The following WASF3 variants were observed in gnomAD, a reference collection of about 807,000 sequenced individuals.
The protein encoded by WASF3 is WASP family member 3, also known as actin-binding protein WASF3.
Under a neutral mutation model 46.6 loss-of-function variants are expected in WASF3, and 11 were observed. The observed-to-expected ratio is 0.24, with a 90% CI of 0.15 to 0.39. The LOEUF (loss-of-function observed/expected upper bound fraction) is 0.39. WASF3 is among the 10% of genes least tolerant of loss of function. The probability of loss-of-function intolerance (pLI) is 1.00; values close to 1 mark genes in which losing one functional copy is unlikely to be tolerated. For synonymous variants in WASF3, 242 were observed against 259.7 expected (o/e 0.93, Z 0.65); for missense variants, 576 against 669.8 (o/e 0.86, Z 1.55).
chr13:26,662,636 G>T (rs1253805515), intron 3 of WASF3, among the ~76,000 whole-genome samples: 1 of 152,172 alleles, frequency 6.6e-6, no homozygotes, highest in African/African-American at 2.4e-5. Flanking sequence ...GTAGACACTG[G>T]GGACTACTGG....
intron 3 of WASF3, among the ~76,000 whole-genome samples, chr13:26,643,621 G>A (rs773796255): frequency 3.9e-5 from 6 of 152,172 alleles, no homozygotes; most frequent in Non-Finnish European, 7.3e-5. Flanking sequence ...TTATTGAAGG[G>A]TAAAATTGTT....
At chr13:26,648,984 A>G (rs1245238402) in intron 3 of WASF3, among the ~76,000 whole-genome samples, 1 of 152,200 alleles carries the variant, frequency 6.6e-6, no homozygotes, top group Non-Finnish European at 1.5e-5. Flanking sequence ...CTCCATATGG[A>G]TTTTAATATA....
intron 1 of WASF3, among the ~76,000 whole-genome samples, chr13:26,607,130 T>C (rs1880824091): frequency 6.6e-6 from 1 of 152,204 alleles, no homozygotes; most frequent in Non-Finnish European, 1.5e-5. Flanking sequence ...AGGCATCTGC[T>C]GAGTGTCTTG....
At chr13:26,620,053 C>G (rs905423057) in intron 2 of WASF3, among the ~76,000 whole-genome samples, 1 of 152,136 alleles carries the variant, frequency 6.6e-6, no homozygotes, top group African/African-American at 2.4e-5. Flanking sequence ...GACCGAGATT[C>G]TAGTGTCTAC....
At chr13:26,552,248 A>G in the WASF3 span, among the ~76,000 whole-genome samples, 1 of 152,350 alleles carries the variant, frequency 6.6e-6, no homozygotes, top group African/African-American at 2.4e-5. Flanking sequence ...CATATCCAAT[A>G]GATGTTATGA....
chr13:26,602,871 A>C (rs1472046191), intron 1 of WASF3, among the ~76,000 whole-genome samples: 3 of 152,172 alleles, frequency 2.0e-5, no homozygotes, highest in Admixed American at 6.5e-5. Flanking sequence ...CACTTATGTC[A>C]TGATTTTCAT....
intron 3 of WASF3, among the ~76,000 whole-genome samples, chr13:26,643,149 T>A (rs955935394): frequency 7.9e-5 from 12 of 152,214 alleles, no homozygotes; most frequent in African/African-American, 2.9e-4. Context: ...GAAGTTGCAC[T>A]ATTTTCCCCC....
At chr13:26,678,353 TATG>T (rs1475271775) in intron 7 of WASF3, among the ~76,000 whole-genome samples, 1 of 152,280 alleles carries the variant, frequency 6.6e-6, no homozygotes, top group East Asian at 1.9e-4. Context: ...TAAAATGAAA[TATG>T]ATCTATAGTT....
chr13:26,676,232 A>T (rs2137495281), intron 6 of WASF3, among the ~76,000 whole-genome samples: 1 of 152,356 alleles, frequency 6.6e-6, no homozygotes, highest in African/African-American at 2.4e-5. Context: ...CATGTAATAT[A>T]GATCTGAAAG....
chr13:26,557,269 T>C (rs528790273), upstream of WASF3, among the ~76,000 whole-genome samples: 1 of 152,328 alleles, frequency 6.6e-6, no homozygotes, highest in African/African-American at 2.4e-5. Context: ...GCCTCAGCCC[T>C]GGAGGACGTC....
At position 26,565,506 on chromosome 13, in the gene WASF3, A is replaced by G. The variant is rs991687916; in HGVS notation, c.-109+7687A>G. The stretch of plus-strand genomic sequence containing the variant: ...AAATGTAAAAACACATTTAAAAAAA[A>G]CCAGCCCTGTAGGATTTAAAACGTA... On this transcript the variant is annotated intron_variant, in intron 1 of 9. Coordinates refer to ENST00000335327, the MANE Select transcript of WASF3 (RefSeq NM_006646.6). Among the ~76,000 whole-genome samples the G allele has an allele frequency of 5.3e-5, 8 of 152,330 alleles. 1 individual carries two copies. The East Asian group carries it at 1.5e-3, about 29-fold the overall frequency.
intron 7 of WASF3, chr13:26,680,175 C>G (rs531504435): frequency 6.3e-7 from 1 of 1,590,538 alleles, no homozygotes; most frequent in South Asian, 1.1e-5. Context: ...AGGCAGGGAG[C>G]GCCAAAGAGG....
intron 2 of WASF3, among the ~76,000 whole-genome samples, chr13:26,617,228 A>G (rs1410340532): frequency 6.6e-6 from 1 of 152,132 alleles, no homozygotes; most frequent in Non-Finnish European, 1.5e-5. Flanking sequence ...GGTCTTCTAC[A>G]AAAGGATAAT....
chr13:26,546,372 T>G, the WASF3 span, among the ~76,000 whole-genome samples: 1 of 152,214 alleles, frequency 6.6e-6, no homozygotes, highest in Non-Finnish European at 1.5e-5. Flanking sequence ...TTATATTGCT[T>G]TTGCAATAAT....
chr13:26,636,373 C>T (rs928623534), intron 2 of WASF3, among the ~76,000 whole-genome samples: 3 of 152,186 alleles, frequency 2.0e-5, no homozygotes, highest in Non-Finnish European at 2.9e-5. Flanking sequence ...GGGAAAAGCA[C>T]AGTATTTGGG....
At chr13:26,608,475 C>CAGCA (rs1438798233) in intron 1 of WASF3, among the ~76,000 whole-genome samples, 1 of 152,312 alleles carries the variant, frequency 6.6e-6, no homozygotes, top group East Asian at 1.9e-4. Flanking sequence ...TTTTAGCTTA[C>CAGCA]AGCAGTATCT....
At chr13:26,598,950 A>G (rs1489972007) in intron 1 of WASF3, among the ~76,000 whole-genome samples, 5 of 152,140 alleles carry the variant, frequency 3.3e-5, no homozygotes, top group Non-Finnish European at 1.5e-5. Flanking sequence ...GGCTCGCTGC[A>G]TCCTCTGTCT....
chr13:26,541,987 G>T, the WASF3 span, among the ~76,000 whole-genome samples: 1 of 151,262 alleles, frequency 6.6e-6, no homozygotes, highest in Admixed American at 6.6e-5. Context: ...AGCTGTACAT[G>T]GGGGACTGTA....
At chr13:26,542,967 T>C in the WASF3 span, among the ~76,000 whole-genome samples, 11 of 152,308 alleles carry the variant, frequency 7.2e-5, no homozygotes, top group South Asian at 2.3e-3. Flanking sequence ...GGACAAAGAA[T>C]TTCTGAACAC....
Sources: gnomAD v4.1 joint callset for allele counts (sites outside exome capture counted in the v4.1 genomes callset) on GRCh38, gnomAD v4.1.1 for gene constraint, MANE v1.5 for transcripts, NCBI Gene and HGNC (gene_info 2026-07-23, HGNC 2026-07-21) for gene names.